Variants in C8orf34 observed in about 807,000 individuals in gnomAD.
C8orf34 encodes the protein uncharacterized protein C8orf34.
Under a neutral mutation model 68.3 loss-of-function variants are expected in C8orf34, and 65 were observed. The observed-to-expected ratio is 0.95, with a 90% CI of 0.78 to 1.17. The LOEUF is 1.17. Among genes scored for constraint, C8orf34 ranks in the 50% most tolerant of loss-of-function variants. C8orf34 has a pLI of 0.00. For missense variants in C8orf34, 664 were observed against 655.4 expected (o/e 1.01, Z -0.14); for synonymous variants, 244 against 241.2 (o/e 1.01, Z -0.11).
At chr8:68,570,087 T>G (rs1236408369) in intron 7 of C8orf34, among the ~76,000 whole-genome samples, 4 of 152,200 alleles carry the variant, frequency 2.6e-5, no homozygotes, top group African/African-American at 9.6e-5. Context: ...TGGAAGCCCA[T>G]ACTTTTCTAT....
intron 4 of C8orf34, among the ~76,000 whole-genome samples, chr8:68,470,472 T>G (rs1173995344): frequency 6.6e-6 from 1 of 152,140 alleles, no homozygotes; most frequent in Non-Finnish European, 1.5e-5. Flanking sequence ...TATAGGGATT[T>G]GACTGCATTT....
At chr8:68,421,294 C>T (rs1327294820) in intron 1 of C8orf34, among the ~76,000 whole-genome samples, 1 of 152,184 alleles carries the variant, frequency 6.6e-6, no homozygotes, top group Non-Finnish European at 1.5e-5. Flanking sequence ...GAAAGAATAA[C>T]TATGTGATGA....
At chr8:68,791,416 T>A (rs1823990488) in intron 12 of C8orf34, 1 of 153,950 alleles carries the variant, frequency 6.5e-6, no homozygotes, top group Non-Finnish European at 1.4e-5. Flanking sequence ...TGACATGAGA[T>A]TTGGGTGGGG....
Position 68,376,730 on chromosome 8 carries a change from T to G in C8orf34, c.327+45391T>G, listed in dbSNP as rs563316653. On this transcript the variant is annotated intron_variant, in intron 1 of 13. Coordinates refer to ENST00000518698, the MANE Select transcript of C8orf34 (RefSeq NM_052958.4). ...TTTATGTCCAGTATGTTGTATGCCT[T>G]TTGAAGGAAACCCATACTGAGTTCT... Among the ~76,000 whole-genome samples the G allele has an allele frequency of 8.5e-5, 13 of 152,260 alleles. No homozygotes were observed. The East Asian group carries it at 2.3e-3, about 27-fold the overall frequency.
chr8:68,606,485 C>A (rs543570459), intron 7 of C8orf34, among the ~76,000 whole-genome samples: 2 of 152,170 alleles, frequency 1.3e-5, no homozygotes, highest in East Asian at 1.9e-4. Flanking sequence ...ATATTATAAT[C>A]TACTAATTGG....
intron 4 of C8orf34, among the ~76,000 whole-genome samples, chr8:68,474,359 G>A (rs1328714446): frequency 6.6e-6 from 1 of 151,988 alleles, no homozygotes; most frequent in Non-Finnish European, 1.5e-5. Context: ...CTTCCTTATT[G>A]TTCATAACTG....
chr8:68,722,528 A>T (rs1227658098), intron 10 of C8orf34, among the ~76,000 whole-genome samples: 3 of 152,116 alleles, frequency 2.0e-5, no homozygotes, highest in African/African-American at 4.8e-5. Flanking sequence ...ATTAATTTTT[A>T]AAATTACTGA....
intron 11 of C8orf34, 88 bp from the exon 12 acceptor site, chr8:68,787,355 C>A: frequency 2.8e-6 from 2 of 724,024 alleles, no homozygotes; most frequent in South Asian, 2.6e-5. Flanking sequence ...TTTGAAGATG[C>A]AGTTCATAAA....
chr8:68,626,683 A>G (rs949596125), intron 7 of C8orf34, among the ~76,000 whole-genome samples: 7 of 152,232 alleles, frequency 4.6e-5, no homozygotes, highest in African/African-American at 1.2e-4. Context: ...CAACACATTA[A>G]TAAAGTACAC....
intron 5 of C8orf34, among the ~76,000 whole-genome samples, chr8:68,521,526 C>T (rs1025860523): frequency 6.6e-6 from 1 of 152,164 alleles, no homozygotes; most frequent in African/African-American, 2.4e-5. Flanking sequence ...GCCTTGAATG[C>T]TCATCCCACA....
At chr8:68,404,478 G>T (rs1033048325) in intron 1 of C8orf34, among the ~76,000 whole-genome samples, 1 of 151,988 alleles carries the variant, frequency 6.6e-6, no homozygotes. Flanking sequence ...GTATTGCCTC[G>T]GTTTTCTTCT....
intron 2 of C8orf34, among the ~76,000 whole-genome samples, chr8:68,443,317 G>T (rs1810987414): frequency 6.6e-6 from 1 of 151,960 alleles, no homozygotes. Context: ...GAAACTGAAG[G>T]GGTTATAATT....
At chr8:68,767,445 C>G (rs1436575150) in intron 10 of C8orf34, among the ~76,000 whole-genome samples, 1 of 152,212 alleles carries the variant, frequency 6.6e-6, no homozygotes, top group Non-Finnish European at 1.5e-5. Flanking sequence ...CCATCCCTTG[C>G]ATTTGCTTTC....
At chr8:68,762,383 G>A (rs970261981) in intron 10 of C8orf34, among the ~76,000 whole-genome samples, 1 of 152,088 alleles carries the variant, frequency 6.6e-6, no homozygotes, top group Non-Finnish European at 1.5e-5. Flanking sequence ...GTTTCAGATG[G>A]GGCTAAATAG....
intron 7 of C8orf34, among the ~76,000 whole-genome samples, chr8:68,610,875 T>C (rs112284464): frequency 0.019 from 2,821 of 150,722 alleles, 42 homozygotes; most frequent in Non-Finnish European, 0.027. Flanking sequence ...TTTTTTTTTT[T>C]TTTTTTGAGA....
chr8:68,461,344 G>A (rs1385794767), intron 3 of C8orf34, among the ~76,000 whole-genome samples: 1 of 152,198 alleles, frequency 6.6e-6, no homozygotes, highest in Non-Finnish European at 1.5e-5. Context: ...CAGGGAGAAT[G>A]GAACCAGGTT....
At chr8:68,664,899 T>C (rs1180995948) in intron 8 of C8orf34, among the ~76,000 whole-genome samples, 3 of 152,178 alleles carry the variant, frequency 2.0e-5, no homozygotes, top group Non-Finnish European at 4.4e-5. Flanking sequence ...TTTTAGATGG[T>C]TTAGATAAAG....
intron 11 of C8orf34, among the ~76,000 whole-genome samples, chr8:68,780,097 T>A (rs1217908731): frequency 1.3e-5 from 2 of 152,114 alleles, no homozygotes; most frequent in Admixed American, 6.5e-5. Context: ...ATGGAAAAAT[T>A]GGCAAATTTA....
chr8:68,354,856 C>T (rs1431607313), intron 1 of C8orf34, among the ~76,000 whole-genome samples: 2 of 152,016 alleles, frequency 1.3e-5, no homozygotes, highest in African/African-American at 4.8e-5. Flanking sequence ...TGTGCAATAG[C>T]CCTGTACAGA....
Sources: allele counts gnomAD v4.1 joint callset (sites outside exome capture counted in the v4.1 genomes callset), GRCh38; gene constraint gnomAD v4.1.1; transcripts MANE v1.5; gene names NCBI Gene and HGNC (gene_info 2026-07-23, HGNC 2026-07-21).